The following MOCOS variants were observed in gnomAD, a reference collection of about 807,000 sequenced individuals.
The protein encoded by MOCOS is human molybdenum cofactor sulfurase.
Under a neutral mutation model 83.6 loss-of-function variants are expected in MOCOS, and 86 were observed. The observed-to-expected ratio is 1.03, with a 90% CI of 0.86 to 1.23. The LOEUF (loss-of-function observed/expected upper bound fraction) is 1.23. Among genes scored for constraint, MOCOS ranks in the 50% most tolerant of loss-of-function variants. The pLI, the probability that MOCOS is intolerant of heterozygous loss-of-function variation, is 0.00. For missense variants in MOCOS, 1,120 were observed against 1,126.9 expected (o/e 0.99, Z 0.09); for synonymous variants, 445 against 434.7 (o/e 1.02, Z -0.29).
intron 6 of MOCOS, among the ~76,000 whole-genome samples, chr18:36,210,521 C>G (rs17740100): frequency 0.058 from 8,757 of 152,148 alleles, 396 homozygotes; most frequent in East Asian, 0.22. Context: ...ATATGTTATT[C>G]TAGGTCATTG....
At chr18:36,217,632 C>T (rs555568008) in intron 8 of MOCOS, among the ~76,000 whole-genome samples, 19 of 152,172 alleles carry the variant, frequency 1.2e-4, no homozygotes, top group African/African-American at 4.3e-4. Context: ...TGTGGACAAC[C>T]GCTCCTGCAA....
intron 8 of MOCOS, among the ~76,000 whole-genome samples, chr18:36,216,202 C>T (rs759360701): frequency 6.6e-6 from 1 of 152,166 alleles, no homozygotes; most frequent in African/African-American, 2.4e-5. Context: ...TGTGTCATTA[C>T]TCTTATTAAT....
rs1555651772 is a variant in MOCOS at position 36,205,260 on chromosome 18, T to C, written c.1202T>C (p.Ile401Thr). ...NFNVLDDKGNIIGYSQVDKMA... is the reference protein window; with the variant it reads ...NFNVLDDKGNTIGYSQVDKMA... ...AATGTGCTGGATGACAAAGGGAACA[T>C]CATTGGTTACTCCCAGGTGGGTTTT... Residue 401 changes from isoleucine to threonine, a missense_variant, in exon 6 of 15, where the codon ATC becomes ACC. Transcript: ENST00000261326. 3.7e-6 allele frequency: 6 copies of C among 1,613,568 alleles called. No homozygotes were observed. Among genetic ancestry groups the C allele is most frequent in the Admixed American group, 3.3e-5 (2 of 59,976 alleles).
intron 1 of MOCOS, chr18:36,190,271 T>C (rs1258509504): frequency 6.6e-6 from 1 of 152,198 alleles, no homozygotes; most frequent in East Asian, 1.9e-4. Context: ...GTTTTAAAAG[T>C]ATCTTTTTGG....
At chr18:36,224,304 G>C (rs1216866115) in intron 9 of MOCOS, among the ~76,000 whole-genome samples, 1 of 151,986 alleles carries the variant, frequency 6.6e-6, no homozygotes, top group African/African-American at 2.4e-5. Context: ...TAATTGCTCT[G>C]ACTAGAACTT....
chr18:36,228,329 G>T (rs2144929668), intron 9 of MOCOS, among the ~76,000 whole-genome samples: 1 of 149,978 alleles, frequency 6.7e-6, no homozygotes, highest in East Asian at 1.9e-4. Context: ...CCATTACTGG[G>T]TATATACCCA....
At chr18:36,226,033 G>A (rs563823755) in intron 9 of MOCOS, among the ~76,000 whole-genome samples, 1 of 151,810 alleles carries the variant, frequency 6.6e-6, no homozygotes, top group African/African-American at 2.4e-5. Flanking sequence ...GCTGTTGGGT[G>A]AAACGTTTTA....
intron 1 of MOCOS, among the ~76,000 whole-genome samples, chr18:36,188,020 T>A (rs757300131): frequency 2.1e-4 from 32 of 152,182 alleles, no homozygotes; most frequent in Non-Finnish European, 4.0e-4. Context: ...GGGCCGGGGT[T>A]GCAAAAGACA....
At chr18:36,263,284 A>G (rs1423006766) in intron 13 of MOCOS, among the ~76,000 whole-genome samples, 2 of 152,040 alleles carry the variant, frequency 1.3e-5, no homozygotes, top group Non-Finnish European at 2.9e-5. Flanking sequence ...CTGATACTAC[A>G]AAAAAAATGA....
At chr18:36,240,860 A>G (rs2091579487) in intron 9 of MOCOS, among the ~76,000 whole-genome samples, 1 of 152,138 alleles carries the variant, frequency 6.6e-6, no homozygotes, top group South Asian at 2.1e-4. Context: ...AGCCCATCGG[A>G]AAAGCGCAGT....
At chr18:36,208,146 G>T (rs2091441368) in intron 6 of MOCOS, among the ~76,000 whole-genome samples, 1 of 152,048 alleles carries the variant, frequency 6.6e-6, no homozygotes, top group African/African-American at 2.4e-5. Context: ...CTTTTCCGTT[G>T]AATTTATGTG....
intron 1 of MOCOS, among the ~76,000 whole-genome samples, chr18:36,191,176 C>A (rs1001240008): frequency 4.6e-5 from 7 of 152,230 alleles, no homozygotes; most frequent in African/African-American, 1.7e-4. Flanking sequence ...GCCTCCCCAG[C>A]CATGACTCCT....
At chr18:36,247,815 G>T (rs551531676) in intron 9 of MOCOS, among the ~76,000 whole-genome samples, 1 of 152,180 alleles carries the variant, frequency 6.6e-6, no homozygotes, top group Non-Finnish European at 1.5e-5. Context: ...CAGTTTTCCT[G>T]ATATGTTCCT....
chr18:36,217,874 T>C (rs1356355173), intron 8 of MOCOS, among the ~76,000 whole-genome samples: 2 of 152,208 alleles, frequency 1.3e-5, no homozygotes, highest in South Asian at 2.1e-4. Flanking sequence ...CATGACATCT[T>C]GTGAGGATGC....
chr18:36,205,513 CTTTG>C (rs2091431655), intron 6 of MOCOS, among the ~76,000 whole-genome samples: 1 of 152,154 alleles, frequency 6.6e-6, no homozygotes, highest in Non-Finnish European at 1.5e-5. Context: ...ACTGTTGGGT[CTTTG>C]CCATAGTAGA....
intron 9 of MOCOS, among the ~76,000 whole-genome samples, chr18:36,228,525 T>C (rs2091526260): frequency 6.6e-6 from 1 of 152,146 alleles, no homozygotes; most frequent in Non-Finnish European, 1.5e-5. Flanking sequence ...ATAATGTCTT[T>C]TTCAGGGACA....
rs1029443130 is a variant in MOCOS at position 36,260,003 on chromosome 18, C to A, written c.2271-34C>A. On this transcript the variant is annotated intron_variant, in intron 12 of 14. Transcript: ENST00000261326. ...TAGTGGTACAATTATCTGCCATCCT[C>A]CCCCTACTTACTCTTTTTGGTTGCT... 3 of 1,613,318 alleles carry A rather than the reference C, an allele frequency of 1.9e-6. No homozygotes were observed. In the African/African-American group the frequency reaches 4.0e-5, roughly 22 times the overall value.
intron 1 of MOCOS, among the ~76,000 whole-genome samples, chr18:36,190,634 A>C (rs990260470): frequency 1.6e-4 from 25 of 152,008 alleles, no homozygotes; most frequent in African/African-American, 5.8e-4. Flanking sequence ...CTAAAGTCCC[A>C]GCTACTGTGG....
chr18:36,266,867 C>CA lies in MOCOS; in HGVS notation c.2514+18dup, dbSNP rs759941750. 2 of 1,586,358 alleles carry CA rather than the reference C, an allele frequency of 1.3e-6. No individual in the cohort carries two copies. Among genetic ancestry groups the CA allele is most frequent in the Non-Finnish European group, 8.7e-7 (1 of 1,155,564 alleles). On this transcript the variant is annotated intron_variant, in intron 14 of 14. Coordinates refer to ENST00000261326, the MANE Select transcript of MOCOS (RefSeq NM_017947.4). ...CGTGAAACAAAGGTAAGCGTGATTG[C>CA]AAAATATGACACCTGGTTTCCAATC...
Sources: gnomAD v4.1 joint callset for allele counts (sites outside exome capture counted in the v4.1 genomes callset) on GRCh38, gnomAD v4.1.1 for gene constraint, MANE v1.5 for transcripts, NCBI Gene and HGNC (gene_info 2026-07-23, HGNC 2026-07-21) for gene names.